The following DOK5 variants were observed in gnomAD, a reference collection of about 807,000 sequenced individuals.
DOK5 encodes the protein docking protein 5, also known as downstream of tyrosine kinase 5.
In DOK5, 27 loss-of-function variants were observed where a neutral mutation model predicts 43.3. The ratio of observed to expected loss-of-function variants is 0.62; its 90% confidence interval spans 0.46 to 0.86. The LOEUF is 0.86. Among genes scored for constraint, DOK5 ranks in the 40% least tolerant of loss-of-function variants. DOK5 has a pLI of 0.00. For synonymous variants in DOK5, 146 were observed against 140.1 expected (o/e 1.04, Z -0.30); for missense variants, 373 against 392.9 (o/e 0.95, Z 0.43).
intron 1 of DOK5, among the ~76,000 whole-genome samples, chr20:54,523,185 T>C (rs1983470776): frequency 6.6e-6 from 1 of 152,228 alleles, no homozygotes; most frequent in Non-Finnish European, 1.5e-5. Flanking sequence ...TGCATTAAGC[T>C]TTCTGAAAGG....
intron 6 of DOK5, among the ~76,000 whole-genome samples, chr20:54,614,142 C>T (rs2146797389): frequency 6.6e-6 from 1 of 152,140 alleles, no homozygotes; most frequent in Admixed American, 6.5e-5. Flanking sequence ...CAATGACTAT[C>T]TGTTTAAGAT....
intron 6 of DOK5, among the ~76,000 whole-genome samples, chr20:54,611,832 G>C (rs1043911007): frequency 4.6e-5 from 7 of 152,186 alleles, no homozygotes; most frequent in Non-Finnish European, 8.8e-5. Flanking sequence ...AAGCATGCCA[G>C]TAATGTGATC....
intron 6 of DOK5, among the ~76,000 whole-genome samples, chr20:54,633,354 A>G (rs1177232412): frequency 6.6e-6 from 1 of 151,416 alleles, no homozygotes; most frequent in South Asian, 2.1e-4. Flanking sequence ...AGTGTAGATG[A>G]GAGCCGAGAT....
chr20:54,535,556 T>C (rs1477731364), intron 1 of DOK5, among the ~76,000 whole-genome samples: 2 of 152,000 alleles, frequency 1.3e-5, no homozygotes, highest in Non-Finnish European at 2.9e-5. Flanking sequence ...TAGAGTGATA[T>C]ATCTCCAGTT....
At chr20:54,593,977 C>T (rs924040734) in intron 5 of DOK5, among the ~76,000 whole-genome samples, 2 of 151,970 alleles carry the variant, frequency 1.3e-5, no homozygotes, top group African/African-American at 4.8e-5. Context: ...GGGAACAACA[C>T]ATATGGGGCC....
intron 7 of DOK5, among the ~76,000 whole-genome samples, chr20:54,646,907 T>TC (rs397865184): frequency 4.0e-5 from 6 of 148,336 alleles, no homozygotes; most frequent in South Asian, 4.2e-4. Flanking sequence ...TTTTTTTTTT[T>TC]CTGGCAAATC....
At chr20:54,573,592 C>T (rs537789297) in intron 2 of DOK5, among the ~76,000 whole-genome samples, 2 of 144,010 alleles carry the variant, frequency 1.4e-5, no homozygotes, top group African/African-American at 5.2e-5. Context: ...GAGGCTGAGG[C>T]AGGAGAATCG....
At chr20:54,598,300 AT>A (rs1986203592) in intron 5 of DOK5, among the ~76,000 whole-genome samples, 1 of 152,158 alleles carries the variant, frequency 6.6e-6, no homozygotes, top group South Asian at 2.1e-4. Context: ...TAATGGACAT[AT>A]TGCTTATTTT....
intron 2 of DOK5, among the ~76,000 whole-genome samples, chr20:54,559,547 G>A (rs1488336681): frequency 6.6e-6 from 1 of 152,188 alleles, no homozygotes; most frequent in Admixed American, 6.5e-5. Flanking sequence ...ATGATTAAAT[G>A]TTGTGTGGTC....
At chr20:54,596,297 C>T (rs1393989692) in intron 5 of DOK5, among the ~76,000 whole-genome samples, 1 of 152,232 alleles carries the variant, frequency 6.6e-6, no homozygotes, top group Non-Finnish European at 1.5e-5. Context: ...CCCCTTCTCT[C>T]ACATCGAGAA....
intron 2 of DOK5, among the ~76,000 whole-genome samples, chr20:54,580,766 T>C (rs916300577): frequency 6.6e-6 from 1 of 152,158 alleles, no homozygotes; most frequent in African/African-American, 2.4e-5. Flanking sequence ...TTCTTATATA[T>C]TTTGGCTATT....
At chr20:54,616,455 C>T (rs1600739454) in intron 6 of DOK5, among the ~76,000 whole-genome samples, 1 of 152,326 alleles carries the variant, frequency 6.6e-6, no homozygotes, top group South Asian at 2.1e-4. Context: ...GATCTTGCAT[C>T]CTGACAAGGC....
intron 7 of DOK5, among the ~76,000 whole-genome samples, chr20:54,644,988 A>T (rs1425499141): frequency 2.0e-5 from 3 of 147,450 alleles, no homozygotes; most frequent in African/African-American, 7.5e-5. Flanking sequence ...GGATACTTGT[A>T]AAAAAACTCT....
At chr20:54,554,659 C>T (rs1984650370) in intron 1 of DOK5, among the ~76,000 whole-genome samples, 2 of 152,108 alleles carry the variant, frequency 1.3e-5, no homozygotes, top group Admixed American at 6.5e-5. Context: ...ATCTCTGGGA[C>T]TTTTTTCTGA....
intron 2 of DOK5, among the ~76,000 whole-genome samples, chr20:54,566,028 A>C (rs1159902260): frequency 2.6e-5 from 4 of 151,754 alleles, no homozygotes; most frequent in Admixed American, 2.0e-4. Flanking sequence ...AAAAAAAAAA[A>C]AAAACCCTGA....
intron 5 of DOK5, among the ~76,000 whole-genome samples, chr20:54,605,993 G>A (rs539324387): frequency 6.6e-6 from 1 of 152,354 alleles, no homozygotes; most frequent in East Asian, 1.9e-4. Flanking sequence ...AGGTCACAAA[G>A]CTGGTGAGAT....
At chr20:54,535,701 A>G (rs931635149) in intron 1 of DOK5, among the ~76,000 whole-genome samples, 1 of 152,204 alleles carries the variant, frequency 6.6e-6, no homozygotes, top group African/African-American at 2.4e-5. Flanking sequence ...AATGGCCAGC[A>G]GAGCCCTTCT....
intron 1 of DOK5, among the ~76,000 whole-genome samples, chr20:54,485,307 C>G (rs899119840): frequency 6.8e-6 from 1 of 148,068 alleles, no homozygotes; most frequent in Admixed American, 6.8e-5. Flanking sequence ...GAGCTGAGAT[C>G]GTGCCATTGC....
intron 6 of DOK5, among the ~76,000 whole-genome samples, chr20:54,639,930 A>G (rs1309013160): frequency 2.6e-5 from 4 of 152,236 alleles, no homozygotes; most frequent in South Asian, 2.1e-4. Context: ...CAAGACGATT[A>G]TTTACCCAGT....
Sources: gnomAD v4.1 joint callset for allele counts (sites outside exome capture counted in the v4.1 genomes callset) on GRCh38, gnomAD v4.1.1 for gene constraint, MANE v1.5 for transcripts, NCBI Gene and HGNC (gene_info 2026-07-23, HGNC 2026-07-21) for gene names.